RAB37: variants seen among roughly 807,000 people sequenced by gnomAD.
RAB37 encodes the protein ras-related protein Rab-37.
RAB37 carries 29 observed loss-of-function variants against 33.1 expected under a neutral mutation model. The observed-to-expected ratio is 0.88, with a 90% CI of 0.65 to 1.20. The LOEUF is 1.20. Among genes scored for constraint, RAB37 ranks in the 50% most tolerant of loss-of-function variants. RAB37 has a pLI of 0.00. For missense variants in RAB37, 299 were observed against 301.1 expected, an observed-to-expected ratio of 0.99 and a Z score of 0.05; for synonymous variants, 128 against 119.5, an observed-to-expected ratio of 1.07 and a Z score of -0.47.
intron 1 of RAB37, among the ~76,000 whole-genome samples, chr17:74,721,259 T>C (rs1410941816): frequency 1.3e-5 from 2 of 152,172 alleles, no homozygotes; most frequent in Non-Finnish European, 2.9e-5. Flanking sequence ...TTACCCAGTA[T>C]TTCCCTGCTG....
rs533108577 is a variant in RAB37, at chr17:74,674,919, AG to A, written c.72+3264del. 5.3e-5 allele frequency among the ~76,000 whole-genome samples: 8 copies of A among 152,328 alleles called. No individual in the cohort carries two copies. The South Asian group carries it at 1.0e-3, about 20-fold the overall frequency. On this transcript the variant is annotated intron_variant, in intron 1 of 7. Transcript: ENST00000340415. ...TTTGACAGCACAGCAGATGTTATGT[AG>A]GGTAGTCCTAGAAACTTGCCAGAGA... is the stretch of plus-strand genomic sequence containing the variant.
At chr17:74,731,871 G>A (rs1323549365) in intron 2 of RAB37, among the ~76,000 whole-genome samples, 10 of 152,080 alleles carry the variant, frequency 6.6e-5, no homozygotes, top group South Asian at 4.1e-4. Flanking sequence ...TTTGCCAGGC[G>A]TGGTGGCACA....
chr17:74,701,713 G>T (rs948045325), intron 1 of RAB37, among the ~76,000 whole-genome samples: 1 of 152,096 alleles, frequency 6.6e-6, no homozygotes, highest in African/African-American at 2.4e-5. Flanking sequence ...GGCCGGGCAT[G>T]GTGGCTTACG....
chr17:74,671,720 TC>T lies in RAB37; in HGVS notation c.72+64del. On this transcript the variant is annotated intron_variant, in intron 1 of 7. Coordinates refer to the RAB37 transcript ENST00000340415. This position sits in a 1 kb window ranked among gnomAD's most constrained non-coding sequence, Gnocchi z 5.0. Reference sequence around the variant, plus strand: ...AGAGGCGCCAGCACCAGGAGTTTTCTCCACTCCCCTGACTTTGCTTTGGGAC... The same window carrying T: ...AGAGGCGCCAGCACCAGGAGTTTTCTCACTCCCCTGACTTTGCTTTGGGAC... The T allele has an allele frequency of 6.9e-7, 1 of 1,446,584 alleles. No homozygotes were observed. The allele number at this position is 1,446,584 out of a possible 1,614,324, so 89.6% of individuals were successfully genotyped here.
At chr17:74,716,748 G>A (rs2034169710) in intron 1 of RAB37, among the ~76,000 whole-genome samples, 1 of 152,048 alleles carries the variant, frequency 6.6e-6, no homozygotes, top group Non-Finnish European at 1.5e-5. Flanking sequence ...ACAGCCCTTA[G>A]ATCCTGCTCA....
chr17:74,682,689 G>A (rs1054188247), intron 1 of RAB37, among the ~76,000 whole-genome samples: 4 of 152,182 alleles, frequency 2.6e-5, no homozygotes, highest in South Asian at 2.1e-4. Flanking sequence ...TGGATCACCC[G>A]AGGTCGGGAG....
At chr17:74,725,179 C>A (rs1179047826) in intron 1 of RAB37, among the ~76,000 whole-genome samples, 2 of 152,184 alleles carry the variant, frequency 1.3e-5, no homozygotes, top group African/African-American at 4.8e-5. Context: ...TAGGGACAAA[C>A]AACCTCCTGT....
chr17:74,722,171 T>C (rs2034250857), intron 1 of RAB37, among the ~76,000 whole-genome samples: 1 of 150,960 alleles, frequency 6.6e-6, no homozygotes. Flanking sequence ...TAGTCCCAGA[T>C]ACTTGGGAGG....
Position 74,743,283 on chromosome 17 carries a change from TC to T in RAB37, c.314-3del. 1 of 1,614,038 alleles carries T rather than the reference TC, an allele frequency of 6.2e-7. No homozygotes were observed. Among genetic ancestry groups the T allele is most frequent in the East Asian group, 2.2e-5 (1 of 44,876 alleles). ...AAGTCCCCTCTGTGATCCTCTCCCCTCCAGCCTTGCTTCTGCTGTATGACAT... is the reference window on the plus strand; with the variant it reads ...AAGTCCCCTCTGTGATCCTCTCCCCTCAGCCTTGCTTCTGCTGTATGACAT... On this transcript the variant is annotated splice_polypyrimidine_tract_variant and splice_region_variant and intron_variant, in intron 4 of 8. Coordinates refer to ENST00000392613, the MANE Select transcript of RAB37 (RefSeq NM_001006638.3).
intron 1 of RAB37, among the ~76,000 whole-genome samples, chr17:74,723,869 C>T (rs1003209185): frequency 2.0e-5 from 3 of 151,974 alleles, no homozygotes; most frequent in Non-Finnish European, 2.9e-5. Flanking sequence ...CCACCGCACC[C>T]GGCCGTAACA....
At chr17:74,714,318 C>T (rs1056882237) in intron 1 of RAB37, among the ~76,000 whole-genome samples, 4 of 151,488 alleles carry the variant, frequency 2.6e-5, no homozygotes, top group Non-Finnish European at 4.4e-5. Context: ...CCCAAGAGGT[C>T]GAAACTGCAG....
chr17:74,693,979 G>A (rs2032222804), intron 1 of RAB37, among the ~76,000 whole-genome samples: 1 of 151,822 alleles, frequency 6.6e-6, no homozygotes, highest in Admixed American at 6.6e-5. Flanking sequence ...ATCCCTGTGT[G>A]AGCAGCAGTG....
At chr17:74,687,294 GCTCACTGCAAC>G (rs1170095098) in intron 1 of RAB37, among the ~76,000 whole-genome samples, 1 of 151,668 alleles carries the variant, frequency 6.6e-6, no homozygotes, top group African/African-American at 2.4e-5. Context: ...CACGATCTTG[GCTCACTGCAAC>G]CTCCATCTCC....
chr17:74,677,980 G>C (rs1233792249), intron 1 of RAB37, among the ~76,000 whole-genome samples: 1 of 152,148 alleles, frequency 6.6e-6, no homozygotes, highest in African/African-American at 2.4e-5. Context: ...AGGGAGGGAC[G>C]TCCTTCAGTT....
At chr17:74,736,925 G>A, upstream of RAB37, 2 of 1,503,926 alleles carry the variant, frequency 1.3e-6, no homozygotes, top group South Asian at 2.5e-5. Flanking sequence ...GCGACTACGG[G>A]AACTCTTCCG....
intron 1 of RAB37, among the ~76,000 whole-genome samples, chr17:74,680,528 A>G (rs767833783): frequency 6.6e-6 from 1 of 152,198 alleles, no homozygotes; most frequent in African/African-American, 2.4e-5. Flanking sequence ...GTTTAATGCT[A>G]TCAGGCTGAC....
chr17:74,694,409 G>A (rs1431030040), intron 1 of RAB37: 1 of 152,166 alleles, frequency 6.6e-6, no homozygotes, highest in Non-Finnish European at 1.5e-5. Context: ...GCGTGGGCAG[G>A]GCTGGTTTCT....
chr17:74,716,757 C>T (rs1363292175), intron 1 of RAB37, among the ~76,000 whole-genome samples: 1 of 152,078 alleles, frequency 6.6e-6, no homozygotes, highest in Non-Finnish European at 1.5e-5. Context: ...AGATCCTGCT[C>T]AGTGCTGACA....
At chr17:74,735,922 C>A (rs1171403046), upstream of RAB37, among the ~76,000 whole-genome samples, 2 of 152,310 alleles carry the variant, frequency 1.3e-5, no homozygotes, top group Middle Eastern at 3.4e-3. Flanking sequence ...TTAAGAATTG[C>A]AGGCCGGGCG....
Sources: allele counts gnomAD v4.1 joint callset (sites outside exome capture counted in the v4.1 genomes callset), GRCh38; gene constraint gnomAD v4.1.1; non-coding constraint Gnocchi (gnomAD v3.1); transcripts MANE v1.5; gene names NCBI Gene and HGNC (gene_info 2026-07-23, HGNC 2026-07-21).